The following EPHA8 variants were observed in gnomAD, a reference collection of about 807,000 sequenced individuals.
EPHA8 encodes EPH receptor A8.
EPHA8 carries 58 observed loss-of-function variants against 103.6 expected under a neutral mutation model. The ratio of observed to expected loss-of-function variants is 0.56; its 90% CI spans 0.45 to 0.70. The LOEUF (loss-of-function observed/expected upper bound fraction) is 0.70, where lower values mean the gene tolerates loss of function less well. Ranked by LOEUF, EPHA8 falls within the 30% of genes least tolerant of loss-of-function variation. The pLI, the probability that EPHA8 is intolerant of heterozygous loss-of-function variation, is 0.00. For missense variants in EPHA8, 1,304 were observed against 1,395.2 expected, an observed-to-expected ratio of 0.93 and a Z score of 1.04; for synonymous variants, 559 against 572.5, an observed-to-expected ratio of 0.98 and a Z score of 0.34.
intron 3 of EPHA8, among the ~76,000 whole-genome samples, chr1:22,578,136 A>G (rs61234763): frequency 8.6e-4 from 59 of 68,824 alleles, no homozygotes; most frequent in Middle Eastern, 8.9e-3. Flanking sequence ...GCATGTGTGC[A>G]TGTGTGTATG....
intron 15 of EPHA8, 66 bp from the exon 16 acceptor site, chr1:22,601,234 C>T: frequency 6.5e-7 from 1 of 1,547,014 alleles, no homozygotes; most frequent in Non-Finnish European, 8.7e-7. Flanking sequence ...CTTCCTCAGC[C>T]TGCTTCTTCT....
chr1:22,570,373 C>T (rs533068288), intron 2 of EPHA8, among the ~76,000 whole-genome samples: 35 of 96,442 alleles, frequency 3.6e-4, no homozygotes, highest in African/African-American at 6.0e-4. Context: ...CACGTGTGCG[C>T]GTACACACAC....
In EPHA8 at chr1:22,576,508, G is replaced by A. The variant is rs1278129338; in HGVS notation, c.451G>A (p.Asp151Asn). ...QFLKIDTIAA[D>N]ESFTGADLGV... ...CCTCAAAATCGACACCATTGCGGCC[G>A]ACGAGAGCTTCACAGGTGCCGACCT... is the stretch of plus-strand genomic sequence containing the variant. The change falls in exon 3 of 17, where the codon GAC becomes AAC. Residue 151 changes from aspartate (D) to asparagine (N), a missense_variant. By Grantham distance (23) the Asp-to-Asn change is conservative. Transcript: ENST00000166244. This position sits in a 1 kb window ranked among gnomAD's most constrained non-coding sequence, Gnocchi z 4.8. 3.7e-6 allele frequency: 6 copies of A among 1,614,152 alleles called. No individual in the cohort carries two copies. Among genetic ancestry groups the A allele is most frequent in the South Asian group, 2.2e-5 (2 of 91,078 alleles).
chr1:22,585,027 C>CTGTGTGTG (rs772415643), intron 3 of EPHA8, among the ~76,000 whole-genome samples: 10,348 of 147,508 alleles, frequency 0.07, 448 homozygotes, highest in African/African-American at 0.12. Context: ...GGTCGTTTCT[C>CTGTGTGTG]TGTGTGTGTG....
chr1:22,597,653 C>T lies in EPHA8; in HGVS notation c.1931-23C>T. On this transcript the variant is annotated intron_variant, in intron 10 of 16. Transcript: ENST00000166244. The surrounding 1 kb of genome is among the most constrained non-coding windows in gnomAD (Gnocchi z 4.6). ...AGGGTCCCACTGCCCTCCCTCCACA[C>T]CTGCCCCTCTCGGGGCCTGCAGGAG... 1 of 1,588,718 alleles carries T rather than the reference C, an allele frequency of 6.3e-7. No individual in the cohort carries two copies. Among genetic ancestry groups the T allele is most frequent in the Non-Finnish European group, 8.6e-7 (1 of 1,166,592 alleles).
chr1:22,599,995 A>G (rs1230502685), intron 13 of EPHA8, among the ~76,000 whole-genome samples: 1 of 76,658 alleles, frequency 1.3e-5, no homozygotes, highest in African/African-American at 5.1e-5. Flanking sequence ...GAAGGAGGAA[A>G]GGAGGGACGG....
intron 3 of EPHA8, among the ~76,000 whole-genome samples, chr1:22,579,242 A>G (rs1037851680): frequency 1.4e-5 from 2 of 145,168 alleles, no homozygotes; most frequent in Admixed American, 6.8e-5. Context: ...TGTGCATGTG[A>G]GTATATGTGT....
intron 1 of EPHA8, among the ~76,000 whole-genome samples, chr1:22,565,446 G>A (rs1640330461): frequency 6.6e-6 from 1 of 152,178 alleles, no homozygotes; most frequent in South Asian, 2.1e-4. Flanking sequence ...GAATCTAAGA[G>A]GCCTTGGGGC....
Position 22,576,306 on chromosome 1 carries a change from G to A in EPHA8, c.249G>A (p.Trp83Ter). 1 of 1,613,868 alleles carries A rather than the reference G, an allele frequency of 6.2e-7. No individual in the cohort carries two copies. The highest frequency in any genetic ancestry group is 8.5e-7 in the Non-Finnish European group (1 of 1,180,024). ...CNVMSPNQNN[W>*]LRTSWVPRDG... ...TCATGAGCCCCAACCAGAACAACTG[G>A]CTGCGCACGAGCTGGGTCCCCCGAG... Residue 83 changes from tryptophan (W) to a stop codon, truncating the protein, a stop_gained, in exon 3 of 17, where the codon TGG becomes TGA. Transcript: ENST00000166244. LOFTEE classifies it high-confidence loss of function. This position sits in a 1 kb window ranked among gnomAD's most constrained non-coding sequence, Gnocchi z 4.8.
At chr1:22,580,113 TTTTC>T (rs1156532363) in intron 3 of EPHA8, among the ~76,000 whole-genome samples, 1 of 146,376 alleles carries the variant, frequency 6.8e-6, no homozygotes, top group East Asian at 2.1e-4. Context: ...GGCTCTCTGG[TTTTC>T]TTTCTTTCTC....
chr1:22,570,955 A>C (rs1640528373), intron 2 of EPHA8, among the ~76,000 whole-genome samples: 1 of 152,220 alleles, frequency 6.6e-6, no homozygotes. Flanking sequence ...GGTTCCACCC[A>C]TGAGGAGGTG....
intron 5 of EPHA8, 71 bp from the exon 6 acceptor site, chr1:22,593,255 C>G: frequency 6.6e-7 from 1 of 1,517,488 alleles, no homozygotes; most frequent in South Asian, 1.2e-5. Context: ...CCAGGTGGAA[C>G]CTGGGAAGGG....
chr1:22,601,166 G>T, intron 15 of EPHA8, 78 bp downstream of exon 15: 1 of 1,540,238 alleles, frequency 6.5e-7, no homozygotes. Flanking sequence ...GGGACAGTTT[G>T]GCCCTGACAC....
At position 22,589,374 on chromosome 1, in the gene EPHA8, C is replaced by T. The variant is rs746264367; in HGVS notation, c.1315+168C>T. The T allele has an allele frequency of 3.2e-6, 5 of 1,548,784 alleles. No individual in the cohort carries two copies. In the African/African-American group the frequency reaches 4.1e-5, roughly 13 times the overall value. On this transcript the variant is annotated intron_variant, in intron 5 of 16. Coordinates refer to ENST00000166244, the MANE Select transcript of EPHA8 (RefSeq NM_020526.5). This position sits in a 1 kb window ranked among gnomAD's most constrained non-coding sequence, Gnocchi z 4.3. Reference sequence around the variant, plus strand: ...CCCAGAGCTGGAGGCTCTTCATTGCCTTTAGAAAAGTGGAACACATTCTAT... The same window carrying T: ...CCCAGAGCTGGAGGCTCTTCATTGCTTTTAGAAAAGTGGAACACATTCTAT...
Position 22,593,407 on chromosome 1 carries a change from C to T in EPHA8, c.1397C>T (p.Pro466Leu), listed in dbSNP as rs778380990. The T allele has an allele frequency of 7.5e-6, 12 of 1,595,238 alleles. No homozygotes were observed. The highest frequency in any genetic ancestry group is 6.8e-5 in the South Asian group (6 of 88,346). ...VSLLWQEPEQ[P>L]NGIILEYEIK... ...CTGCTGTGGCAGGAGCCCGAGCAGC[C>T]GAACGGCATCATCCTGGAGTATGAG... Residue 466 changes from proline (P) to leucine (L), a missense_variant, in exon 6 of 17, where the codon CCG becomes CTG. Physicochemically the swap from Pro to Leu is moderately conservative, Grantham distance 98. Transcript: ENST00000166244.
intron 2 of EPHA8, among the ~76,000 whole-genome samples, chr1:22,573,362 CA>C (rs1255089146): frequency 6.6e-6 from 1 of 152,226 alleles, no homozygotes; most frequent in East Asian, 1.9e-4. Context: ...TGCATCCTCT[CA>C]AACCTCGCTC....
Position 22,598,989 on chromosome 1 carries a change from C to CT in EPHA8, c.2331dup (p.Asp778Ter), listed in dbSNP as rs749227616. 1 of 1,612,234 alleles carries CT rather than the reference C, an allele frequency of 6.2e-7. No individual in the cohort carries two copies. The highest frequency in any genetic ancestry group is 1.1e-5 in the South Asian group (1 of 90,732). On this transcript the variant is annotated frameshift_variant, in exon 13 of 17. Coordinates refer to ENST00000166244, the MANE Select transcript of EPHA8 (RefSeq NM_020526.5). LOFTEE classifies it high-confidence loss of function. The surrounding 1 kb of genome is among the most constrained non-coding windows in gnomAD (Gnocchi z 5.1). ...GACAGCAACCTGGTCTGCAAGGTGT[C>CT]TGACTTCGGGCTCTCACGGGTGCTG...
chr1:22,600,686 C>T lies in EPHA8; in HGVS notation c.2414C>T (p.Thr805Met), dbSNP rs372280342. The change falls in exon 14 of 17, where the codon ACG (threonine) becomes ATG (methionine). Residue 805 changes from threonine to methionine, a missense_variant. Transcript: ENST00000166244. ...TTGGKIPIRW[T>M]APEAIAFRTF... Reference sequence around the variant, plus strand: ...GGCGGGAAGATCCCCATCCGCTGGACGGCCCCAGAGGCCATCGCCTTCCGC... The same window carrying T: ...GGCGGGAAGATCCCCATCCGCTGGATGGCCCCAGAGGCCATCGCCTTCCGC... 1.6e-5 allele frequency: 26 copies of T among 1,613,380 alleles called. No homozygotes were observed. Among genetic ancestry groups the T allele is most frequent in the South Asian group, 3.3e-5 (3 of 91,088 alleles).
At position 22,589,131 on chromosome 1, in the gene EPHA8, G is replaced by C; in HGVS notation, c.1240G>C (p.Ala414Pro). ...AHMNYSFWIE[A>P]VNGVSDLSPE... ...CATGAACTACTCCTTCTGGATCGAG[G>C]CCGTCAATGGCGTGTCCGACCTGAG... Residue 414 changes from alanine to proline, a missense_variant, in exon 5 of 17, where the codon GCC (alanine) becomes CCC (proline). Ala to Pro is a conservative substitution (Grantham distance 27). Transcript: ENST00000166244. The surrounding 1 kb of genome is among the most constrained non-coding windows in gnomAD (Gnocchi z 4.3). 6.2e-7 allele frequency: 1 copy of C among 1,613,862 alleles called. No individual in the cohort carries two copies. Among genetic ancestry groups the C allele is most frequent in the Non-Finnish European group, 8.5e-7 (1 of 1,179,988 alleles).
Sources: allele counts gnomAD v4.1 joint callset (sites outside exome capture counted in the v4.1 genomes callset), GRCh38; gene constraint gnomAD v4.1.1; non-coding constraint Gnocchi (gnomAD v3.1); transcripts MANE v1.5; gene names NCBI Gene and HGNC (gene_info 2026-07-23, HGNC 2026-07-21).